The following CUX1 variants were observed in gnomAD, a reference collection of about 807,000 sequenced individuals.
CUX1 encodes the protein cut like homeobox 1, also known as protein CASP.
A neutral mutation model predicts 158.8 loss-of-function variants in CUX1; 31 were observed. The observed-to-expected ratio is 0.20, with a 90% CI of 0.15 to 0.26. The LOEUF (loss-of-function observed/expected upper bound fraction) is 0.26, where lower values mean the gene tolerates loss of function less well. CUX1 is among the 10% of genes least tolerant of loss of function. CUX1 has a pLI of 1.00. For missense variants in CUX1, 1,589 were observed against 2,014.6 expected (o/e 0.79, Z 4.04); for synonymous variants, 879 against 862.1 (o/e 1.02, Z -0.34).
chr7:102,131,108 C>CAAA (rs575289482), intron 8 of CUX1, among the ~76,000 whole-genome samples: 3 of 65,714 alleles, frequency 4.6e-5, no homozygotes, highest in African/African-American at 5.2e-5. Context: ...GACTCCATCT[C>CAAA]AAAAAAAAAA....
intron 3 of CUX1, among the ~76,000 whole-genome samples, chr7:102,056,242 C>T (rs1824108244): frequency 6.6e-6 from 1 of 152,182 alleles, no homozygotes; most frequent in Non-Finnish European, 1.5e-5. Context: ...TGGCGCTACA[C>T]AACAGATTTT....
intron 1 of CUX1, among the ~76,000 whole-genome samples, chr7:101,837,964 G>A (rs977958060): frequency 1.3e-5 from 2 of 150,496 alleles, no homozygotes; most frequent in African/African-American, 4.9e-5. Flanking sequence ...TTTATGGTCC[G>A]TTCTCATTTT....
At chr7:102,174,165 G>A (rs1792037189) in intron 10 of CUX1, among the ~76,000 whole-genome samples, 1 of 152,032 alleles carries the variant, frequency 6.6e-6, no homozygotes, top group Non-Finnish European at 1.5e-5. Context: ...TGTCACCCAG[G>A]GTGGAGTGCA....
intron 4 of CUX1, among the ~76,000 whole-genome samples, chr7:102,083,023 A>G (rs965762302): frequency 6.1e-5 from 9 of 147,200 alleles, no homozygotes; most frequent in Admixed American, 2.7e-4. Context: ...CTGCTTTTCA[A>G]TGTAGATGTA....
At chr7:102,171,118 C>T (rs1422879547) in intron 10 of CUX1, among the ~76,000 whole-genome samples, 1 of 152,126 alleles carries the variant, frequency 6.6e-6, no homozygotes, top group Non-Finnish European at 1.5e-5. Flanking sequence ...ATTCCCAGCT[C>T]GATCAAGGTG....
chr7:101,902,323 G>A (rs150466956), intron 1 of CUX1, among the ~76,000 whole-genome samples: 92 of 152,214 alleles, frequency 6.0e-4, no homozygotes, highest in African/African-American at 2.0e-3. Context: ...GGTTAATAGC[G>A]TTATCCTCAG....
At chr7:102,180,170 G>T (rs1390677312) in intron 11 of CUX1, among the ~76,000 whole-genome samples, 1 of 151,840 alleles carries the variant, frequency 6.6e-6, no homozygotes, top group Non-Finnish European at 1.5e-5. Context: ...CTACAGTCAC[G>T]CGCCACCATG....
intron 1 of CUX1, among the ~76,000 whole-genome samples, chr7:101,897,022 A>G (rs932634963): frequency 6.6e-6 from 1 of 152,226 alleles, no homozygotes; most frequent in South Asian, 2.1e-4. Flanking sequence ...AGTCACGCAC[A>G]CACAACTGTC....
At chr7:101,897,486 C>T (rs998741609) in intron 1 of CUX1, among the ~76,000 whole-genome samples, 2 of 140,306 alleles carry the variant, frequency 1.4e-5, no homozygotes, top group Non-Finnish European at 3.0e-5. Flanking sequence ...GAGTGAAGGG[C>T]GAGATGTTGT....
intron 10 of CUX1, among the ~76,000 whole-genome samples, chr7:102,177,522 G>T (rs2131767843): frequency 6.6e-6 from 1 of 151,992 alleles, no homozygotes; most frequent in South Asian, 2.1e-4. Flanking sequence ...CAAGGACCTT[G>T]AATCCCACCT....
chr7:102,163,539 C>G (rs1266310811), intron 9 of CUX1, among the ~76,000 whole-genome samples: 1 of 152,090 alleles, frequency 6.6e-6, no homozygotes, highest in Non-Finnish European at 1.5e-5. Context: ...AGTGAAGAAT[C>G]GTAGGCGGGA....
chr7:102,239,247 G>C, intron 22 of CUX1, 73 bp from the exon 23 acceptor site: 1 of 1,515,384 alleles, frequency 6.6e-7, no homozygotes. Context: ...GTGCCGTCCC[G>C]CTAGCGGGAC....
In CUX1 at chr7:102,007,032, C is replaced by A. The variant is rs1817462776; in HGVS notation, c.142-21066C>A. 3.3e-5 allele frequency among the ~76,000 whole-genome samples: 5 copies of A among 152,366 alleles called. No homozygotes were observed. The Middle Eastern group carries it at 0.017, about 518-fold the overall frequency. ...ACGAGCTGCCTTGGGATGGATCTCTCATCTTTGCTGCTGGCCTCATCCAAG... is the reference window on the plus strand; with the variant it reads ...ACGAGCTGCCTTGGGATGGATCTCTAATCTTTGCTGCTGGCCTCATCCAAG... On this transcript the variant is annotated intron_variant, in intron 2 of 23. Coordinates refer to ENST00000292535, the MANE Select transcript of CUX1 (RefSeq NM_181552.4).
At chr7:101,894,353 G>C (rs763033086) in intron 1 of CUX1, among the ~76,000 whole-genome samples, 1 of 152,180 alleles carries the variant, frequency 6.6e-6, no homozygotes, top group Admixed American at 6.5e-5. Context: ...TCGCTCTGTC[G>C]CCCAGGCTGG....
At chr7:102,034,608 CT>C (rs894160661) in intron 3 of CUX1, among the ~76,000 whole-genome samples, 6 of 152,088 alleles carry the variant, frequency 3.9e-5, no homozygotes, top group Non-Finnish European at 5.9e-5. Flanking sequence ...CAAAAATTAG[CT>C]GGACGTGGTG....
intron 1 of CUX1, among the ~76,000 whole-genome samples, chr7:101,841,038 T>C (rs1392629863): frequency 1.3e-5 from 2 of 151,842 alleles, no homozygotes; most frequent in Non-Finnish European, 2.9e-5. Flanking sequence ...GGACTACAGG[T>C]GCCCGCCACC....
At chr7:102,098,060 G>C (rs564814784) in intron 5 of CUX1, among the ~76,000 whole-genome samples, 1 of 152,234 alleles carries the variant, frequency 6.6e-6, no homozygotes, top group Non-Finnish European at 1.5e-5. Flanking sequence ...GGCTTTTCCC[G>C]TCAGGGAAGA....
At chr7:102,270,950 T>C (rs1791171296) in intron 14 of CUX1, among the ~76,000 whole-genome samples, 1 of 152,044 alleles carries the variant, frequency 6.6e-6, no homozygotes, top group African/African-American at 2.4e-5. Flanking sequence ...CCCCATCATC[T>C]CCCTGGTGCC....
chr7:102,205,742 G>C (rs1795881268), intron 20 of CUX1, among the ~76,000 whole-genome samples: 1 of 152,128 alleles, frequency 6.6e-6, no homozygotes, highest in African/African-American at 2.4e-5. Flanking sequence ...GTGGCTGCAG[G>C]CTGAGAAACT....
Sources: allele counts gnomAD v4.1 joint callset (sites outside exome capture counted in the v4.1 genomes callset), GRCh38; gene constraint gnomAD v4.1.1; transcripts MANE v1.5; gene names NCBI Gene and HGNC (gene_info 2026-07-23, HGNC 2026-07-21).